Variants in KCND2 observed in about 807,000 individuals in gnomAD.
KCND2 encodes potassium voltage-gated channel subfamily D member 2, also known as A-type voltage-gated potassium channel KCND2.
A neutral mutation model predicts 54.4 loss-of-function variants in KCND2; 16 were observed. The observed-to-expected ratio is 0.29, with a 90% CI of 0.20 to 0.45. The LOEUF is 0.45. Ranked by LOEUF, KCND2 falls within the 20% of genes least tolerant of loss-of-function variation. The probability of loss-of-function intolerance (pLI) is 1.00; values close to 1 mark genes in which losing one functional copy is unlikely to be tolerated. For missense variants in KCND2, 486 were observed against 824.2 expected, an observed-to-expected ratio of 0.59 and a Z score of 5.02; for synonymous variants, 317 against 310.7, an observed-to-expected ratio of 1.02 and a Z score of -0.21.
chr7:120,464,032 T>C (rs77986062), intron 1 of KCND2: 36,557 of 971,728 alleles, frequency 0.038, 993 homozygotes, highest in Non-Finnish European at 0.042. Flanking sequence ...TTTTTTTTTT[T>C]CTTGCAGTTG....
At chr7:120,529,859 G>A (rs1434246107) in intron 1 of KCND2, among the ~76,000 whole-genome samples, 4 of 152,072 alleles carry the variant, frequency 2.6e-5, no homozygotes, top group African/African-American at 7.2e-5. Context: ...GAGGCAGGAG[G>A]ATCACTTGAG....
chr7:120,525,730 C>T (rs1791764025), intron 1 of KCND2, among the ~76,000 whole-genome samples: 1 of 152,132 alleles, frequency 6.6e-6, no homozygotes, highest in South Asian at 2.1e-4. Context: ...GCCATTTATC[C>T]ATTCAATAAT....
intron 1 of KCND2, chr7:120,463,993 A>T: frequency 1.1e-6 from 1 of 937,784 alleles, no homozygotes; most frequent in Non-Finnish European, 1.3e-6. Flanking sequence ...GCTACATTGG[A>T]TAAATAAAAT....
rs527535960 is a variant in KCND2 at position 120,729,649 on chromosome 7, C to G, written c.1116-3254C>G. ...CATGGGGAAACTCTGTGTCTCTACC[C>G]AAGAGCATAAACGTGAGAGAAGATG... On this transcript the variant is annotated intron_variant, in intron 1 of 5. Transcript: ENST00000331113. Among the ~76,000 whole-genome samples, 31 of 152,322 alleles carry G rather than the reference C, an allele frequency of 2.0e-4. 1 individual carries two copies. In the East Asian group the frequency reaches 6.0e-3, roughly 29 times the overall value.
intron 1 of KCND2, among the ~76,000 whole-genome samples, chr7:120,449,558 A>G (rs1225141182): frequency 2.6e-5 from 4 of 152,214 alleles, no homozygotes; most frequent in Non-Finnish European, 5.9e-5. Context: ...CATTTTAAAT[A>G]TTTGAAAATA....
chr7:120,494,228 C>T (rs1054217135), intron 1 of KCND2, among the ~76,000 whole-genome samples: 11 of 151,932 alleles, frequency 7.2e-5, no homozygotes, highest in African/African-American at 2.4e-4. Flanking sequence ...CTTCCAAGAC[C>T]GGTAATGTCT....
chr7:120,454,390 A>G (rs979230780), intron 1 of KCND2, among the ~76,000 whole-genome samples: 9 of 152,334 alleles, frequency 5.9e-5, no homozygotes, highest in Non-Finnish European at 1.2e-4. Flanking sequence ...GACCCCACAG[A>G]AGCACAAAAA....
At chr7:120,725,457 A>C (rs1389070428) in intron 1 of KCND2, among the ~76,000 whole-genome samples, 1 of 152,182 alleles carries the variant, frequency 6.6e-6, no homozygotes, top group African/African-American at 2.4e-5. Context: ...GTAGGGGTCA[A>C]CTATTTCCAG....
At chr7:120,603,534 C>T (rs1792841237) in intron 1 of KCND2, among the ~76,000 whole-genome samples, 1 of 152,148 alleles carries the variant, frequency 6.6e-6, no homozygotes, top group African/African-American at 2.4e-5. Flanking sequence ...ATATGTATGA[C>T]TGTTTTGTAA....
chr7:120,354,866 T>C (rs1275996942), intron 1 of KCND2, among the ~76,000 whole-genome samples: 1 of 152,240 alleles, frequency 6.6e-6, no homozygotes, highest in Non-Finnish European at 1.5e-5. Context: ...TAACATTGTA[T>C]ATATGAGATA....
intron 1 of KCND2, among the ~76,000 whole-genome samples, chr7:120,613,190 T>A (rs977444233): frequency 2.0e-5 from 3 of 152,136 alleles, no homozygotes; most frequent in African/African-American, 7.2e-5. Flanking sequence ...AAGATCGGTT[T>A]TCGTAACTCT....
In KCND2 at chr7:120,306,785, A is replaced by T. The variant is rs190683950; in HGVS notation, c.1115+31038A>T. Among the ~76,000 whole-genome samples the T allele has an allele frequency of 1.1e-3, 169 of 152,044 alleles. 1 individual carries two copies. Among genetic ancestry groups the T allele is most frequent in the African/African-American group, 3.7e-3 (152 of 41,526 alleles). ...TTTAATACAATTGAATATTTTTTTT[A>T]AAATTCAAGAGAATATTATTAGTTC... On this transcript the variant is annotated intron_variant, in intron 1 of 5. Coordinates refer to ENST00000331113, the MANE Select transcript of KCND2 (RefSeq NM_012281.3).
chr7:120,721,329 A>G (rs1045955375), intron 1 of KCND2, among the ~76,000 whole-genome samples: 3 of 152,184 alleles, frequency 2.0e-5, no homozygotes, highest in Non-Finnish European at 1.5e-5. Flanking sequence ...TAGTTTGTAT[A>G]GTTAATAAAA....
chr7:120,739,799 A>G (rs553077440), intron 2 of KCND2, among the ~76,000 whole-genome samples: 68 of 59,480 alleles, frequency 1.1e-3, no homozygotes, highest in African/African-American at 7.8e-3. Context: ...AACAAAAGAA[A>G]CACACACACA....
At chr7:120,479,096 T>C (rs969036675) in intron 1 of KCND2, among the ~76,000 whole-genome samples, 1 of 152,150 alleles carries the variant, frequency 6.6e-6, no homozygotes, top group Non-Finnish European at 1.5e-5. Context: ...ACAGGCAATA[T>C]CAACATAAAA....
rs1802825370 is a variant in KCND2 at position 120,494,619 on chromosome 7, A to G, written c.1115+218872A>G. The stretch of plus-strand genomic sequence containing the variant: ...AGCCTCTTTAAACAATTCTAAAAAT[A>G]TTCAAATTCTCTATTAAATAGCCCT... On this transcript the variant is annotated intron_variant, in intron 1 of 5. Coordinates refer to ENST00000331113, the MANE Select transcript of KCND2 (RefSeq NM_012281.3). 3.9e-5 allele frequency among the ~76,000 whole-genome samples: 6 copies of G among 152,272 alleles called. No homozygotes were observed. The South Asian group carries it at 1.2e-3, about 32-fold the overall frequency.
chr7:120,413,684 T>TA (rs927871615), intron 1 of KCND2, among the ~76,000 whole-genome samples: 19 of 152,074 alleles, frequency 1.2e-4, no homozygotes, highest in African/African-American at 3.4e-4. Flanking sequence ...CTACAGTTTA[T>TA]AAAAAAACAC....
intron 1 of KCND2, among the ~76,000 whole-genome samples, chr7:120,444,717 C>T (rs1170528898): frequency 1.3e-5 from 2 of 152,026 alleles, no homozygotes; most frequent in Non-Finnish European, 1.5e-5. Flanking sequence ...TATTTAATGG[C>T]ATTAATTTCA....
At chr7:120,511,913 C>T (rs565986851) in intron 1 of KCND2, among the ~76,000 whole-genome samples, 1 of 152,266 alleles carries the variant, frequency 6.6e-6, no homozygotes, top group Non-Finnish European at 1.5e-5. Flanking sequence ...ACCAACTCCA[C>T]ACCACTTCCC....
Sources: allele counts gnomAD v4.1 joint callset (sites outside exome capture counted in the v4.1 genomes callset), GRCh38; gene constraint gnomAD v4.1.1; transcripts MANE v1.5; gene names NCBI Gene and HGNC (gene_info 2026-07-23, HGNC 2026-07-21).